The following ACAP2 variants were observed in gnomAD, a reference collection of about 807,000 sequenced individuals.
The protein encoded by ACAP2 is ArfGAP with coiled-coil, ankyrin repeat and PH domains 2.
Under a neutral mutation model 115.8 loss-of-function variants are expected in ACAP2, and 39 were observed. The ratio of observed to expected loss-of-function variants is 0.34; its 90% CI spans 0.26 to 0.44. The LOEUF (loss-of-function observed/expected upper bound fraction) is 0.44, where lower values mean the gene tolerates loss of function less well. ACAP2 is among the 20% of genes least tolerant of loss of function. The pLI, the probability that ACAP2 is intolerant of heterozygous loss-of-function variation, is 1.00. For synonymous variants in ACAP2, 289 were observed against 315.8 expected (o/e 0.92, Z 0.90); for missense variants, 662 against 927.6 (o/e 0.71, Z 3.72).
intron 4 of ACAP2, among the ~76,000 whole-genome samples, chr3:195,362,609 C>G (rs1253362364): frequency 6.6e-6 from 1 of 151,996 alleles, no homozygotes; most frequent in Non-Finnish European, 1.5e-5. Flanking sequence ...TAAGCAAACT[C>G]AAATTAAACA....
At chr3:195,413,760 A>C (rs1713481680) in intron 1 of ACAP2, among the ~76,000 whole-genome samples, 1 of 152,036 alleles carries the variant, frequency 6.6e-6, no homozygotes, top group Admixed American at 6.6e-5. Flanking sequence ...CTCAAAACAA[A>C]AACAAACAAA....
At chr3:195,368,558 T>A in intron 4 of ACAP2, among the ~76,000 whole-genome samples, 1 of 152,250 alleles carries the variant, frequency 6.6e-6, no homozygotes. Context: ...ATTTGTGTTA[T>A]CATTTCATGT....
At chr3:195,371,745 C>T (rs1406671609) in intron 4 of ACAP2, among the ~76,000 whole-genome samples, 1 of 152,090 alleles carries the variant, frequency 6.6e-6, no homozygotes, top group Non-Finnish European at 1.5e-5. Flanking sequence ...CTCCACCTCC[C>T]GGGCTCAAGC....
At chr3:195,439,191 CT>C (rs3072388) in intron 1 of ACAP2, among the ~76,000 whole-genome samples, 218 of 133,218 alleles carry the variant, frequency 1.6e-3, no homozygotes, top group Non-Finnish European at 1.9e-3. Context: ...AGGCTAAGGC[CT>C]TTTTTTTTTT....
chr3:195,362,670 C>T (rs201797621), intron 4 of ACAP2, among the ~76,000 whole-genome samples: 1 of 152,206 alleles, frequency 6.6e-6, no homozygotes, highest in East Asian at 1.9e-4. Flanking sequence ...TGTAAGGATT[C>T]AACATATGCA....
chr3:195,438,735 T>TA (rs1019103569), intron 1 of ACAP2, among the ~76,000 whole-genome samples: 27 of 151,260 alleles, frequency 1.8e-4, no homozygotes, highest in South Asian at 2.1e-4. Context: ...ACACCCTTTT[T>TA]AAAAAAAAAG....
Position 195,442,740 on chromosome 3 carries a change from C to T in ACAP2, c.53+55G>A, listed in dbSNP as rs1175902521. 4 of 1,514,432 alleles carry T rather than the reference C, an allele frequency of 2.6e-6. No individual in the cohort carries two copies. The East Asian group carries it at 1.1e-4, about 41-fold the overall frequency. 93.8% of individuals were successfully genotyped at this position (1,514,432 alleles called of 1,614,324 possible). A position where few individuals can be genotyped will look rare whatever the true frequency, so the allele number is the denominator to read the frequency against. On this transcript the variant is annotated intron_variant, in intron 1 of 22. Coordinates refer to ENST00000326793, the MANE Select transcript of ACAP2 (RefSeq NM_012287.6). ...CGGGTGCGCGGGCCCGGCTTTCACG[C>T]CCCCAGCGCCGGGAAGGCAGCTCCG...
chr3:195,358,027 T>C (rs1732101896), intron 4 of ACAP2, among the ~76,000 whole-genome samples: 1 of 152,184 alleles, frequency 6.6e-6, no homozygotes, highest in African/African-American at 2.4e-5. Context: ...TAGCTCCACC[T>C]GGTCTCTCCC....
At chr3:195,422,191 G>T (rs183943947) in intron 1 of ACAP2, among the ~76,000 whole-genome samples, 127 of 152,130 alleles carry the variant, frequency 8.3e-4, no homozygotes, top group Admixed American at 1.2e-3. Context: ...TCAGAACTTT[G>T]CCATTCCTGC....
At chr3:195,381,661 A>G (rs536531808) in intron 3 of ACAP2, among the ~76,000 whole-genome samples, 2 of 152,246 alleles carry the variant, frequency 1.3e-5, no homozygotes, top group African/African-American at 4.8e-5. Flanking sequence ...TAAACTTAAT[A>G]AACTAACCAC....
chr3:195,387,870 T>C (rs890988619), intron 2 of ACAP2, among the ~76,000 whole-genome samples: 2 of 152,236 alleles, frequency 1.3e-5, no homozygotes, highest in Non-Finnish European at 2.9e-5. Flanking sequence ...CTAAGTACTT[T>C]ACATGTATTA....
At chr3:195,403,768 A>T (rs573663026) in intron 1 of ACAP2, among the ~76,000 whole-genome samples, 2 of 152,222 alleles carry the variant, frequency 1.3e-5, no homozygotes, top group Non-Finnish European at 2.9e-5. Context: ...TCTAGAGTTC[A>T]GTTTTGGATT....
chr3:195,439,815 T>G (rs1715867963), intron 1 of ACAP2, among the ~76,000 whole-genome samples: 1 of 151,790 alleles, frequency 6.6e-6, no homozygotes, highest in Non-Finnish European at 1.5e-5. Context: ...TTAGTAGAGA[T>G]GGGGTTTTAC....
chr3:195,407,381 A>G (rs1047134856), intron 1 of ACAP2, among the ~76,000 whole-genome samples: 2 of 152,074 alleles, frequency 1.3e-5, no homozygotes, highest in Admixed American at 6.6e-5. Flanking sequence ...GAAAAAATAC[A>G]TTAAAAATAT....
chr3:195,289,434 C>T (rs1727086429), intron 20 of ACAP2, among the ~76,000 whole-genome samples: 1 of 152,070 alleles, frequency 6.6e-6, no homozygotes, highest in Non-Finnish European at 1.5e-5. Context: ...TTTTTGCATA[C>T]ATTATCTTAT....
At chr3:195,368,768 C>T (rs1224058030) in intron 4 of ACAP2, among the ~76,000 whole-genome samples, 1 of 151,984 alleles carries the variant, frequency 6.6e-6, no homozygotes, top group Non-Finnish European at 1.5e-5. Flanking sequence ...TATAGTAACT[C>T]CTAACCATAA....
intron 22 of ACAP2, chr3:195,285,529 A>C (rs1168414367): frequency 5.4e-6 from 2 of 368,708 alleles, no homozygotes; most frequent in South Asian, 1.8e-4. Flanking sequence ...CAAATAAAGA[A>C]GTCAGCAGCC....
intron 22 of ACAP2, 123 bp downstream of exon 22, chr3:195,285,673 T>C (rs563676667): frequency 5.4e-4 from 429 of 790,770 alleles, no homozygotes; most frequent in Middle Eastern, 4.3e-3. Flanking sequence ...AAGTGGGTTA[T>C]AAAAACTCTA....
At chr3:195,418,742 C>CT (rs1178558435) in intron 1 of ACAP2, among the ~76,000 whole-genome samples, 1 of 152,158 alleles carries the variant, frequency 6.6e-6, no homozygotes, top group Non-Finnish European at 1.5e-5. Flanking sequence ...AGTAACTGCT[C>CT]TATCAATTTG....
Sources: gnomAD v4.1 joint callset for allele counts (sites outside exome capture counted in the v4.1 genomes callset) on GRCh38, gnomAD v4.1.1 for gene constraint, MANE v1.5 for transcripts, NCBI Gene and HGNC (gene_info 2026-07-23, HGNC 2026-07-21) for gene names.